Variants in DLGAP1 observed in about 807,000 individuals in gnomAD.
DLGAP1 encodes the protein DLG associated protein 1, also known as disks large-associated protein 1.
DLGAP1 carries 11 observed loss-of-function variants against 90.8 expected under a neutral mutation model. The observed-to-expected ratio is 0.12, with a 90% CI of 0.08 to 0.20. The LOEUF is 0.20. DLGAP1 is among the 10% of genes least tolerant of loss of function. DLGAP1 has a pLI of 1.00. For missense variants in DLGAP1, 1,050 were observed against 1,333.8 expected (o/e 0.79, Z 3.31); for synonymous variants, 558 against 540.7 (o/e 1.03, Z -0.44).
chr18:4,255,420 A>G (rs1026778445), intron 1 of DLGAP1, among the ~76,000 whole-genome samples: 2 of 151,570 alleles, frequency 1.3e-5, no homozygotes, highest in Admixed American at 6.6e-5. Flanking sequence ...CTCTCTCTCT[A>G]TGTTACTCTC....
chr18:3,756,196 C>A (rs1369154809), intron 5 of DLGAP1, among the ~76,000 whole-genome samples: 1 of 151,988 alleles, frequency 6.6e-6, no homozygotes, highest in East Asian at 1.9e-4. Flanking sequence ...ACTACAGGTG[C>A]CCACCACGAT....
rs1253466425 is a variant in DLGAP1 at position 3,498,620 on chromosome 18, T to G, written c.*565A>C. ...CACCCCCAGGCCAGGCTTGGTCCCCTCTCTCTGTGTCCCTCATGGATTCCA... is the reference window on the plus strand; with the variant it reads ...CACCCCCAGGCCAGGCTTGGTCCCCGCTCTCTGTGTCCCTCATGGATTCCA... On this transcript the variant is annotated 3_prime_UTR_variant, in exon 13 of 13. Coordinates refer to ENST00000315677, the MANE Select transcript of DLGAP1 (RefSeq NM_004746.4). 1 of 152,224 alleles carries G rather than the reference T, an allele frequency of 6.6e-6. No homozygotes were observed. The allele number at this position is 152,224 out of a possible 1,614,324, so 9.4% of individuals were successfully genotyped here.
intron 2 of DLGAP1, among the ~76,000 whole-genome samples, chr18:4,124,041 T>G (rs2076195422): frequency 1.3e-5 from 2 of 152,320 alleles, no homozygotes; most frequent in South Asian, 4.1e-4. Flanking sequence ...AAGAGAATTC[T>G]GAACAGATAT....
intron 10 of DLGAP1, among the ~76,000 whole-genome samples, chr18:3,528,798 G>A (rs504623): frequency 1.3e-5 from 2 of 152,060 alleles, no homozygotes; most frequent in Non-Finnish European, 2.9e-5. Context: ...GGTTTGCCAC[G>A]GCACTGACTA....
chr18:3,752,417 C>T (rs1327527134), intron 5 of DLGAP1, among the ~76,000 whole-genome samples: 1 of 152,088 alleles, frequency 6.6e-6, no homozygotes, highest in Non-Finnish European at 1.5e-5. Context: ...TTTGCCTGTT[C>T]TGGACACTTC....
At chr18:3,854,026 G>C (rs1000222671) in intron 4 of DLGAP1, among the ~76,000 whole-genome samples, 4 of 152,044 alleles carry the variant, frequency 2.6e-5, no homozygotes, top group Middle Eastern at 6.3e-3. Context: ...CAGTGATTAT[G>C]TCTGGGGGAT....
intron 5 of DLGAP1, among the ~76,000 whole-genome samples, chr18:3,772,207 C>T (rs1232847788): frequency 1.0e-3 from 3 of 2,980 alleles, no homozygotes; most frequent in Non-Finnish European, 1.5e-3. Flanking sequence ...TTCTTCTCTC[C>T]TTTTCTTTCT....
At chr18:3,772,964 T>C (rs905024220) in intron 5 of DLGAP1, among the ~76,000 whole-genome samples, 1 of 152,244 alleles carries the variant, frequency 6.6e-6, no homozygotes, top group African/African-American at 2.4e-5. Flanking sequence ...CTTACCTTAG[T>C]GTTCCTGTCC....
At chr18:4,024,108 A>C (rs1016083973) in intron 2 of DLGAP1, among the ~76,000 whole-genome samples, 1 of 152,204 alleles carries the variant, frequency 6.6e-6, no homozygotes, top group African/African-American at 2.4e-5. Context: ...TAAAATTCCA[A>C]CTCAAACTTT....
At chr18:4,174,358 G>A (rs780377514) in intron 1 of DLGAP1, among the ~76,000 whole-genome samples, 8 of 151,480 alleles carry the variant, frequency 5.3e-5, no homozygotes, top group African/African-American at 9.7e-5. Flanking sequence ...TTTTCGAGAC[G>A]GAGTCTTGCT....
chr18:4,187,412 TAA>T (rs1487711160), intron 1 of DLGAP1, among the ~76,000 whole-genome samples: 1 of 152,172 alleles, frequency 6.6e-6, no homozygotes, highest in Non-Finnish European at 1.5e-5. Flanking sequence ...AATTTGTATT[TAA>T]AGTGTTAATT....
intron 7 of DLGAP1, chr18:3,655,601 C>T (rs2059455445): frequency 6.5e-6 from 1 of 153,622 alleles, no homozygotes; most frequent in Non-Finnish European, 1.4e-5. Flanking sequence ...GAGGAACCCG[C>T]AATGAGACCG....
intron 9 of DLGAP1, among the ~76,000 whole-genome samples, chr18:3,549,337 CT>C (rs398031867): frequency 5.9e-4 from 85 of 144,510 alleles, no homozygotes; most frequent in Admixed American, 6.9e-4. Context: ...CTCTCTCTCT[CT>C]TTTTTTTTTT....
At chr18:3,697,760 ATCTG>A (rs1240701129) in intron 7 of DLGAP1, among the ~76,000 whole-genome samples, 1 of 152,056 alleles carries the variant, frequency 6.6e-6, no homozygotes, top group Non-Finnish European at 1.5e-5. Context: ...TGTCTCATTG[ATCTG>A]TCTAATATTG....
chr18:3,906,211 T>C (rs1219666485), intron 3 of DLGAP1, among the ~76,000 whole-genome samples: 2 of 152,230 alleles, frequency 1.3e-5, no homozygotes, highest in African/African-American at 4.8e-5. Flanking sequence ...AGCTGATTTA[T>C]CCAAGGTTAC....
At chr18:4,420,925 C>T (rs1304156762) in intron 1 of DLGAP1, among the ~76,000 whole-genome samples, 2 of 152,138 alleles carry the variant, frequency 1.3e-5, no homozygotes, top group Admixed American at 6.6e-5. Context: ...TCTCTTTCCA[C>T]TCCGTCTGTT....
intron 3 of DLGAP1, among the ~76,000 whole-genome samples, chr18:3,894,458 G>T (rs990499549): frequency 6.6e-6 from 1 of 152,066 alleles, no homozygotes; most frequent in African/African-American, 2.4e-5. Context: ...CACCATTTAT[G>T]GAATAGGGTA....
chr18:4,251,976 C>A (rs1249646280), intron 1 of DLGAP1, among the ~76,000 whole-genome samples: 1 of 152,210 alleles, frequency 6.6e-6, no homozygotes, highest in African/African-American at 2.4e-5. Context: ...TTCCAGGCAC[C>A]AGTCTGGCTC....
chr18:4,026,464 C>T (rs1237609282), intron 2 of DLGAP1, among the ~76,000 whole-genome samples: 1 of 152,070 alleles, frequency 6.6e-6, no homozygotes, highest in Non-Finnish European at 1.5e-5. Context: ...TCAAAATTCA[C>T]AGACCAAACA....
Sources: allele counts gnomAD v4.1 joint callset (sites outside exome capture counted in the v4.1 genomes callset), GRCh38; gene constraint gnomAD v4.1.1; transcripts MANE v1.5; gene names NCBI Gene and HGNC (gene_info 2026-07-23, HGNC 2026-07-21).